The following MARCHF1 variants were observed in gnomAD, a reference collection of about 807,000 sequenced individuals.
MARCHF1 encodes the protein membrane associated ring-CH-type finger 1.
Under a neutral mutation model 54.2 loss-of-function variants are expected in MARCHF1, and 40 were observed. The ratio of observed to expected loss-of-function variants is 0.74; its 90% CI spans 0.57 to 0.96. The LOEUF (loss-of-function observed/expected upper bound fraction) is 0.96. Ranked by LOEUF, MARCHF1 falls within the 40% of genes least tolerant of loss-of-function variation. The pLI, the probability that MARCHF1 is intolerant of heterozygous loss-of-function variation, is 0.00. For missense variants in MARCHF1, 586 were observed against 656.5 expected (o/e 0.89, Z 1.17); for synonymous variants, 236 against 236.3 (o/e 1.00, Z 0.01).
intron 5 of MARCHF1, among the ~76,000 whole-genome samples, chr4:163,690,662 T>A (rs572993539): frequency 1.3e-5 from 2 of 152,182 alleles, no homozygotes; most frequent in Admixed American, 6.5e-5. Context: ...TTAAGGACCA[T>A]ATTACTGAAG....
At chr4:163,708,764 G>A (rs1745022116) in intron 4 of MARCHF1, among the ~76,000 whole-genome samples, 1 of 152,004 alleles carries the variant, frequency 6.6e-6, no homozygotes, top group African/African-American at 2.4e-5. Context: ...TGAATTATTG[G>A]GTAGAGCAGT....
At chr4:163,957,007 A>C (rs1752244776) in intron 3 of MARCHF1, among the ~76,000 whole-genome samples, 1 of 151,992 alleles carries the variant, frequency 6.6e-6, no homozygotes, top group South Asian at 2.1e-4. Flanking sequence ...TTTTCTTCCA[A>C]ATGTAGAGAC....
At chr4:164,305,892 T>A (rs1734683374) in intron 1 of MARCHF1, among the ~76,000 whole-genome samples, 1 of 152,116 alleles carries the variant, frequency 6.6e-6, no homozygotes, top group Non-Finnish European at 1.5e-5. Context: ...GTAAAATTAT[T>A]ATATGTCAAC....
intron 2 of MARCHF1, among the ~76,000 whole-genome samples, chr4:164,069,433 T>C (rs1023003978): frequency 6.6e-6 from 1 of 152,188 alleles, no homozygotes; most frequent in Non-Finnish European, 1.5e-5. Context: ...CCACACTGCC[T>C]TTATGAGATG....
intron 5 of MARCHF1, among the ~76,000 whole-genome samples, chr4:163,648,267 A>C (rs990303609): frequency 3.9e-5 from 6 of 152,008 alleles, no homozygotes; most frequent in African/African-American, 1.4e-4. Context: ...TAGGAAACTA[A>C]GACCAAGTAG....
chr4:163,835,459 C>T (rs1749154636), intron 4 of MARCHF1, among the ~76,000 whole-genome samples: 1 of 152,150 alleles, frequency 6.6e-6, no homozygotes, highest in Non-Finnish European at 1.5e-5. Context: ...AGACTGTAGC[C>T]TAAACTTGTG....
chr4:164,291,018 C>T (rs1198609384), intron 1 of MARCHF1, among the ~76,000 whole-genome samples: 1 of 151,320 alleles, frequency 6.6e-6, no homozygotes, highest in East Asian at 1.9e-4. Flanking sequence ...GATGCTTATC[C>T]GTAGTATTAC....
intron 2 of MARCHF1, among the ~76,000 whole-genome samples, chr4:164,048,798 ATCT>A (rs1301723979): frequency 2.0e-5 from 3 of 152,154 alleles, no homozygotes; most frequent in Non-Finnish European, 2.9e-5. Flanking sequence ...AAATTTTTTC[ATCT>A]TCTTTTACTC....
intron 2 of MARCHF1, among the ~76,000 whole-genome samples, chr4:164,086,926 A>T (rs1755204261): frequency 6.6e-6 from 1 of 152,094 alleles, no homozygotes; most frequent in Non-Finnish European, 1.5e-5. Flanking sequence ...TCAAATAAAA[A>T]CTAACCTTAA....
At chr4:163,923,967 T>C (rs1169715987) in intron 3 of MARCHF1, among the ~76,000 whole-genome samples, 1 of 152,056 alleles carries the variant, frequency 6.6e-6, no homozygotes, top group Non-Finnish European at 1.5e-5. Context: ...TCATCTACCA[T>C]TGTATCATGA....
At chr4:163,562,982 C>T (rs1221568904) in intron 8 of MARCHF1, among the ~76,000 whole-genome samples, 1 of 152,158 alleles carries the variant, frequency 6.6e-6, no homozygotes, top group African/African-American at 2.4e-5. Flanking sequence ...TTAATTGAGT[C>T]CATCTCCTTT....
intron 4 of MARCHF1, chr4:163,828,858 A>G (rs1432635706): frequency 1.3e-5 from 2 of 152,234 alleles, no homozygotes; most frequent in Non-Finnish European, 2.9e-5. Flanking sequence ...AGAAACAATT[A>G]TAACTTCTTT....
chr4:164,038,610 T>C (rs893380310), intron 2 of MARCHF1, among the ~76,000 whole-genome samples: 5 of 152,194 alleles, frequency 3.3e-5, no homozygotes, highest in Middle Eastern at 3.2e-3. Flanking sequence ...GGGTGGTCCA[T>C]GGTCCTTTTT....
intron 3 of MARCHF1, among the ~76,000 whole-genome samples, chr4:163,862,499 C>T (rs577738502): frequency 9.9e-5 from 15 of 152,020 alleles, no homozygotes; most frequent in Admixed American, 7.2e-4. Flanking sequence ...ATTAAAACAA[C>T]GAGATGCCAC....
At chr4:163,698,593 A>T (rs1744707059) in intron 5 of MARCHF1, among the ~76,000 whole-genome samples, 2 of 152,220 alleles carry the variant, frequency 1.3e-5, no homozygotes, top group Admixed American at 6.6e-5. Context: ...TCTCCCACAC[A>T]GAAGTACAAT....
chr4:163,791,899 C>T (rs1248116292), intron 4 of MARCHF1, among the ~76,000 whole-genome samples: 2 of 152,108 alleles, frequency 1.3e-5, no homozygotes, highest in African/African-American at 4.8e-5. Flanking sequence ...CCACCTTTTG[C>T]CCCTATTACA....
intron 1 of MARCHF1, among the ~76,000 whole-genome samples, chr4:164,176,948 C>T (rs1730681773): frequency 9.7e-5 from 1 of 10,302 alleles, no homozygotes; most frequent in Admixed American, 1.2e-3. Context: ...TGCGCTCTCT[C>T]TCTCTCTCTC....
intron 5 of MARCHF1, among the ~76,000 whole-genome samples, chr4:163,639,706 A>G (rs1195577304): frequency 6.6e-6 from 1 of 152,116 alleles, no homozygotes; most frequent in Non-Finnish European, 1.5e-5. Context: ...GGACTTTCAG[A>G]CAGAGTATAC....
At chr4:163,625,034 G>A (rs936133717) in intron 5 of MARCHF1, among the ~76,000 whole-genome samples, 4 of 152,068 alleles carry the variant, frequency 2.6e-5, no homozygotes, top group African/African-American at 9.7e-5. Context: ...CCTATATTCT[G>A]GAACCCATCT....
Sources: allele counts gnomAD v4.1 joint callset (sites outside exome capture counted in the v4.1 genomes callset), GRCh38; gene constraint gnomAD v4.1.1; transcripts MANE v1.5; gene names NCBI Gene and HGNC (gene_info 2026-07-23, HGNC 2026-07-21).